The following GRID1 variants were observed in gnomAD, a reference collection of about 807,000 sequenced individuals.
The protein encoded by GRID1 is glutamate ionotropic receptor delta type subunit 1.
In GRID1, 28 loss-of-function variants were observed where a neutral mutation model predicts 98.0. That is an observed-to-expected ratio of 0.29 (90% CI 0.21 to 0.39). GRID1 has a LOEUF of 0.39. Ranked by LOEUF, GRID1 falls within the 10% of genes least tolerant of loss-of-function variation. The pLI, the probability that GRID1 is intolerant of heterozygous loss-of-function variation, is 1.00. For synonymous variants in GRID1, 553 were observed against 538.5 expected (o/e 1.03, Z -0.37); for missense variants, 1,111 against 1,340.5 (o/e 0.83, Z 2.67).
chr10:86,324,272 G>A (rs1428067500), intron 2 of GRID1, among the ~76,000 whole-genome samples: 3 of 152,280 alleles, frequency 2.0e-5, no homozygotes, highest in East Asian at 1.9e-4. Context: ...GGGGCAGAAG[G>A]ACATTGAGGC....
intron 4 of GRID1, among the ~76,000 whole-genome samples, chr10:85,959,461 C>T (rs1157358337): frequency 2.0e-5 from 3 of 152,208 alleles, no homozygotes; most frequent in African/African-American, 7.2e-5. Context: ...CCTGTGCACC[C>T]ACCTGCTGAT....
intron 4 of GRID1, among the ~76,000 whole-genome samples, chr10:86,111,500 C>G (rs1740379304): frequency 6.6e-6 from 1 of 152,162 alleles, no homozygotes; most frequent in South Asian, 2.1e-4. Context: ...TATTTTCTAG[C>G]CTGAAAGATA....
Position 86,038,181 on chromosome 10 carries a change from T to C in GRID1, c.726+100638A>G, listed in dbSNP as rs142122438. On this transcript the variant is annotated intron_variant, in intron 4 of 15. Transcript: ENST00000327946. Reference sequence around the variant, plus strand: ...AGAACTGTGAGACAATAAATTCTGTTGTTTAAGCCTCCTGGTCTGTGGTGC... The same window carrying C: ...AGAACTGTGAGACAATAAATTCTGTCGTTTAAGCCTCCTGGTCTGTGGTGC... 2.8e-3 allele frequency among the ~76,000 whole-genome samples: 432 copies of C among 152,300 alleles called. 1 individual carries two copies. Among genetic ancestry groups the C allele is most frequent in the Non-Finnish European group, 4.7e-3 (322 of 68,020 alleles).
In GRID1 at chr10:85,617,565, A is replaced by G. The variant is rs534205025; in HGVS notation, c.2360+2302T>C. 2.0e-5 allele frequency among the ~76,000 whole-genome samples: 3 copies of G among 152,192 alleles called. No individual in the cohort carries two copies. The East Asian group carries it at 5.8e-4, about 29-fold the overall frequency. ...AACCACTGGCATCAGTAAGTTGGCAACCTGAGGTCTGAGTGTCCCCACTCA... is the reference window on the plus strand; with the variant it reads ...AACCACTGGCATCAGTAAGTTGGCAGCCTGAGGTCTGAGTGTCCCCACTCA... On this transcript the variant is annotated intron_variant, in intron 14 of 15. Coordinates refer to ENST00000327946, the MANE Select transcript of GRID1 (RefSeq NM_017551.3).
At chr10:85,884,989 G>C (rs1383932058) in intron 5 of GRID1, among the ~76,000 whole-genome samples, 1 of 152,026 alleles carries the variant, frequency 6.6e-6, no homozygotes, top group Non-Finnish European at 1.5e-5. Flanking sequence ...CTCTTTTATT[G>C]CCTTATACCA....
chr10:85,736,243 G>A (rs1175086163), intron 8 of GRID1, among the ~76,000 whole-genome samples: 3 of 146,418 alleles, frequency 2.0e-5, no homozygotes, highest in Non-Finnish European at 4.5e-5. Context: ...AAGGAGGGAA[G>A]GAAGGAGAGA....
At chr10:86,000,883 A>C (rs1842794924) in intron 4 of GRID1, among the ~76,000 whole-genome samples, 1 of 152,176 alleles carries the variant, frequency 6.6e-6, no homozygotes, top group African/African-American at 2.4e-5. Flanking sequence ...AAGAATAAAA[A>C]ATTCATACCA....
intron 15 of GRID1, chr10:85,605,262 T>C (rs997756372): frequency 9.2e-5 from 14 of 152,226 alleles, no homozygotes; most frequent in African/African-American, 3.1e-4. Context: ...TATTTGTATC[T>C]ATAAGGCATG....
At chr10:86,359,038 A>T (rs1296791024) in intron 2 of GRID1, among the ~76,000 whole-genome samples, 1 of 152,198 alleles carries the variant, frequency 6.6e-6, no homozygotes, top group Non-Finnish European at 1.5e-5. Context: ...AAGGACCCAG[A>T]TTTTAGCCCA....
At chr10:85,793,876 T>C (rs548527409) in intron 8 of GRID1, among the ~76,000 whole-genome samples, 3 of 152,284 alleles carry the variant, frequency 2.0e-5, no homozygotes, top group East Asian at 1.9e-4. Flanking sequence ...CTACCAGGAA[T>C]GACAACAAGA....
intron 4 of GRID1, among the ~76,000 whole-genome samples, chr10:85,957,183 A>T (rs1469620206): frequency 1.3e-5 from 2 of 152,182 alleles, no homozygotes; most frequent in Non-Finnish European, 2.9e-5. Flanking sequence ...TACAATTCGG[A>T]TTACAATTCA....
rs980429646 is a variant in GRID1, at chr10:86,261,769, A to G, written c.236-55121T>C. ...ACCTGAGCAGGGGCATTGAGGTGGC[A>G]CACACACACATACACATCCGGGCAG... On this transcript the variant is annotated intron_variant, in intron 2 of 15. Transcript: ENST00000327946. Among the ~76,000 whole-genome samples, 10 of 144,446 alleles carry G rather than the reference A, an allele frequency of 6.9e-5. No homozygotes were observed. In the Admixed American group the frequency reaches 7.0e-4, roughly 10 times the overall value. The allele number at this position is 144,446 out of a possible 152,430, so 94.8% of individuals were successfully genotyped here.
At chr10:85,823,315 CTCAA>C (rs1411901334) in intron 8 of GRID1, among the ~76,000 whole-genome samples, 1 of 152,000 alleles carries the variant, frequency 6.6e-6, no homozygotes, top group Non-Finnish European at 1.5e-5. Flanking sequence ...TAAAATATGA[CTCAA>C]TCAAGTTATT....
chr10:85,874,446 C>A (rs919961577), intron 5 of GRID1, among the ~76,000 whole-genome samples: 1 of 152,158 alleles, frequency 6.6e-6, no homozygotes, highest in African/African-American at 2.4e-5. Context: ...ATTTTCACTT[C>A]CCTAATTCTT....
chr10:86,228,619 A>G (rs1484145392), intron 2 of GRID1, among the ~76,000 whole-genome samples: 1 of 151,750 alleles, frequency 6.6e-6, no homozygotes, highest in Non-Finnish European at 1.5e-5. Context: ...AGATGGGCCT[A>G]CTCCACCAAG....
chr10:85,751,137 G>C (rs1311740645), intron 8 of GRID1, among the ~76,000 whole-genome samples: 1 of 152,150 alleles, frequency 6.6e-6, no homozygotes, highest in East Asian at 1.9e-4. Flanking sequence ...GGAGAGAAGA[G>C]AGCCATGAAT....
intron 2 of GRID1, among the ~76,000 whole-genome samples, chr10:86,298,667 G>A (rs1003426476): frequency 5.3e-5 from 8 of 152,058 alleles, no homozygotes; most frequent in Admixed American, 2.6e-4. Context: ...ACATGCCCCC[G>A]AGGCTTCCTC....
intron 8 of GRID1, among the ~76,000 whole-genome samples, chr10:85,800,160 CA>C (rs55648626): frequency 0.33 from 48,478 of 146,654 alleles, 8,179 homozygotes; most frequent in African/African-American, 0.43. Context: ...TATAGAATTA[CA>C]AAAAAAAAAA....
chr10:86,057,755 C>T lies in GRID1; in HGVS notation c.726+81064G>A, dbSNP rs540889122. 2.0e-5 allele frequency among the ~76,000 whole-genome samples: 3 copies of T among 152,258 alleles called. No homozygotes were observed. In the East Asian group the frequency reaches 5.8e-4, roughly 29 times the overall value. ...TTCCTCAGTTACTCCCTCTCAGAAC[C>T]ACATCTCTTTCTTTCTCCACACTCT... On this transcript the variant is annotated intron_variant, in intron 4 of 15. Coordinates refer to ENST00000327946, the MANE Select transcript of GRID1 (RefSeq NM_017551.3).
Sources: allele counts gnomAD v4.1 joint callset (sites outside exome capture counted in the v4.1 genomes callset), GRCh38; gene constraint gnomAD v4.1.1; transcripts MANE v1.5; gene names NCBI Gene and HGNC (gene_info 2026-07-23, HGNC 2026-07-21).